Variants in CCDC30 observed in about 807,000 individuals in gnomAD.
CCDC30 encodes coiled-coil domain-containing protein 30.
Under a neutral mutation model 100.2 loss-of-function variants are expected in CCDC30, and 70 were observed. The ratio of observed to expected loss-of-function variants is 0.70; its 90% CI spans 0.58 to 0.85. The LOEUF is 0.85. CCDC30 is among the 40% of genes least tolerant of loss of function. CCDC30 has a pLI of 0.00. For synonymous variants in CCDC30, 233 were observed against 269.5 expected (o/e 0.86, Z 1.33); for missense variants, 652 against 771.2 (o/e 0.85, Z 1.83).
chr1:42,608,831 C>A (rs1646560993), intron 10 of CCDC30, among the ~76,000 whole-genome samples: 1 of 150,914 alleles, frequency 6.6e-6, no homozygotes, highest in Non-Finnish European at 1.5e-5. Context: ...TTAGCACTTT[C>A]AAACCAGTGC....
At chr1:42,655,662 C>A (rs1327493444), downstream of CCDC30, among the ~76,000 whole-genome samples, 3 of 151,922 alleles carry the variant, frequency 2.0e-5, no homozygotes, top group Non-Finnish European at 4.4e-5. Context: ...CAGAAACTAC[C>A]CCTAAATATT....
In CCDC30 at chr1:42,490,144, A is replaced by G; in HGVS notation, c.170-14A>G. 3 of 1,027,140 alleles carry G rather than the reference A, an allele frequency of 2.9e-6. No homozygotes were observed. Among genetic ancestry groups the G allele is most frequent in the Non-Finnish European group, 3.7e-6 (3 of 800,090 alleles). 63.6% of individuals were successfully genotyped at this position (1,027,140 alleles called of 1,614,324 possible). ...CATTTGTTCCTTATACAAATATTTTATTTCTTTTTTTAGATTCTGCACTTA... is the reference window on the plus strand; with the variant it reads ...CATTTGTTCCTTATACAAATATTTTGTTTCTTTTTTTAGATTCTGCACTTA... On this transcript the variant is annotated splice_polypyrimidine_tract_variant and intron_variant, in intron 3 of 16. Transcript: ENST00000668663.
intron 6 of CCDC30, chr1:42,539,256 T>C (rs550603356): frequency 6.2e-7 from 1 of 1,609,872 alleles, no homozygotes; most frequent in Admixed American, 1.7e-5. Flanking sequence ...GCAAAGACCA[T>C]TTTTTAATAG....
At chr1:42,528,169 T>C (rs1292707016) in intron 6 of CCDC30, among the ~76,000 whole-genome samples, 2 of 152,208 alleles carry the variant, frequency 1.3e-5, no homozygotes, top group East Asian at 3.8e-4. Flanking sequence ...CCCGGCCTCC[T>C]CTACCTTTTC....
At chr1:42,587,114 C>T (rs1646087826) in intron 9 of CCDC30, among the ~76,000 whole-genome samples, 1 of 152,198 alleles carries the variant, frequency 6.6e-6, no homozygotes, top group African/African-American at 2.4e-5. Context: ...TCGCCCACCT[C>T]AGCCTCCTGA....
chr1:42,589,094 G>A (rs1646132802), intron 9 of CCDC30, among the ~76,000 whole-genome samples: 1 of 152,102 alleles, frequency 6.6e-6, no homozygotes. Flanking sequence ...CTGAAATAAG[G>A]ACAACTACTT....
intron 6 of CCDC30, among the ~76,000 whole-genome samples, chr1:42,532,575 T>C (rs1158539822): frequency 9.9e-5 from 15 of 152,206 alleles, no homozygotes; most frequent in Admixed American, 9.8e-4. Context: ...CTGTTCTAGG[T>C]GTCTAACAAA....
intron 14 of CCDC30, among the ~76,000 whole-genome samples, chr1:42,645,710 A>G (rs901209971): frequency 1.8e-4 from 28 of 152,148 alleles, no homozygotes; most frequent in Non-Finnish European, 4.0e-4. Context: ...ACTGCCAAGT[A>G]GTGTGGCTTG....
chr1:42,606,707 C>T (rs1351233371), intron 10 of CCDC30, among the ~76,000 whole-genome samples: 1 of 152,202 alleles, frequency 6.6e-6, no homozygotes, highest in Non-Finnish European at 1.5e-5. Context: ...CCTTAAATTA[C>T]AGCATGGGAC....
At chr1:42,646,469 G>A in intron 15 of CCDC30, 152 bp downstream of exon 19, 1 of 1,059,596 alleles carries the variant, frequency 9.4e-7, no homozygotes, top group Non-Finnish European at 1.2e-6. Context: ...GGGTTTCCTA[G>A]CCAGAAACCT....
At chr1:42,469,711 A>G (rs1452955791) in intron 1 of CCDC30, among the ~76,000 whole-genome samples, 3 of 152,030 alleles carry the variant, frequency 2.0e-5, no homozygotes, top group Admixed American at 1.3e-4. Context: ...GGGAAAGAGG[A>G]CAAGATTGGT....
intron 6 of CCDC30, among the ~76,000 whole-genome samples, chr1:42,512,487 C>T (rs1004444144): frequency 2.0e-5 from 3 of 152,174 alleles, no homozygotes; most frequent in African/African-American, 7.2e-5. Flanking sequence ...ATCACAACAG[C>T]ATTCCCCTGA....
the CCDC30 span, chr1:42,456,580 T>C: frequency 1.3e-6 from 2 of 1,488,148 alleles, no homozygotes; most frequent in South Asian, 2.7e-5. Context: ...CGGAAATGGA[T>C]CCGGTAGCCG....
intron 6 of CCDC30, among the ~76,000 whole-genome samples, chr1:42,561,028 C>G (rs1645475762): frequency 6.6e-6 from 1 of 152,140 alleles, no homozygotes; most frequent in African/African-American, 2.4e-5. Flanking sequence ...ACCAGAAATA[C>G]AAAAAGGAGC....
At chr1:42,621,845 C>T (rs1646842965) in intron 11 of CCDC30, among the ~76,000 whole-genome samples, 2 of 151,978 alleles carry the variant, frequency 1.3e-5, no homozygotes, top group South Asian at 2.1e-4. Context: ...CAAGGTCTTA[C>T]TATGTTGCCC....
intron 11 of CCDC30, among the ~76,000 whole-genome samples, chr1:42,618,161 G>A (rs1291105755): frequency 2.6e-5 from 4 of 151,550 alleles, no homozygotes; most frequent in Admixed American, 2.6e-4. Flanking sequence ...CCCAGAGGAT[G>A]ACAGGTATAC....
At chr1:42,527,568 T>C (rs1407429901) in intron 6 of CCDC30, among the ~76,000 whole-genome samples, 1 of 152,222 alleles carries the variant, frequency 6.6e-6, no homozygotes, top group Non-Finnish European at 1.5e-5. Flanking sequence ...AGAAAGGTGA[T>C]TTTATTTAAC....
chr1:42,648,675 AAAAC>A (rs955008350), intron 15 of CCDC30, among the ~76,000 whole-genome samples: 8 of 152,302 alleles, frequency 5.3e-5, no homozygotes, highest in East Asian at 1.9e-4. Flanking sequence ...GTCTCAAAAC[AAAAC>A]AAACAAACAA....
exon 11 of CCDC30, chr1:42,611,019 G>T (rs1570242606): frequency 6.2e-7 from 1 of 1,612,672 alleles, no homozygotes; most frequent in Non-Finnish European, 8.5e-7. Context: ...AGCTATCTAA[G>T]CTACAGCAAG....
Sources: gnomAD v4.1 joint callset for allele counts (sites outside exome capture counted in the v4.1 genomes callset) on GRCh38, gnomAD v4.1.1 for gene constraint, MANE v1.5 for transcripts, NCBI Gene and HGNC (gene_info 2026-07-23, HGNC 2026-07-21) for gene names.